Variants in SCCPDH observed in about 807,000 individuals in gnomAD.
SCCPDH encodes the protein saccharopine dehydrogenase-like oxidoreductase.
Under a neutral mutation model 51.5 loss-of-function variants are expected in SCCPDH, and 34 were observed. That is an observed-to-expected ratio of 0.66 (90% CI 0.50 to 0.88). SCCPDH has a LOEUF of 0.88. SCCPDH is among the 40% of genes least tolerant of loss of function. The probability of loss-of-function intolerance (pLI) is 0.00; values close to 1 mark genes in which losing one functional copy is unlikely to be tolerated. For synonymous variants in SCCPDH, 187 were observed against 191.3 expected, an observed-to-expected ratio of 0.98 and a Z score of 0.19; for missense variants, 464 against 527.1, an observed-to-expected ratio of 0.88 and a Z score of 1.17.
Position 246,759,065 on chromosome 1 carries a change from G to C in SCCPDH, c.727G>C (p.Gly243Arg), listed in dbSNP as rs1470976580. The stretch of plus-strand genomic sequence containing the variant: ...AATTTCTTATTGTCGGGAACTCAAA[G>C]GTTATTCCATTCCTTTTATGGGATC... ...WPISYCRELK[G>R]YSIPFMGSDV... is the part of the protein sequence containing the mutation. Residue 243 changes from glycine to arginine, a missense_variant, in exon 7 of 12, where the codon GGT becomes CGT. Physicochemically the swap from Gly to Arg is moderately radical, Grantham distance 125. Transcript: ENST00000366510. 4 of 1,610,772 alleles carry C rather than the reference G, an allele frequency of 2.5e-6. No homozygotes were observed. The highest frequency in any genetic ancestry group is 3.4e-6 in the Non-Finnish European group (4 of 1,177,108).
At chr1:246,748,895 G>T (rs1668809742) in intron 5 of SCCPDH, among the ~76,000 whole-genome samples, 1 of 152,180 alleles carries the variant, frequency 6.6e-6, no homozygotes, top group South Asian at 2.1e-4. Context: ...ATACCACCAC[G>T]CACCTGCTCG....
chr1:246,761,551 C>T (rs1186091925), intron 9 of SCCPDH, among the ~76,000 whole-genome samples: 1 of 152,228 alleles, frequency 6.6e-6, no homozygotes, highest in Non-Finnish European at 1.5e-5. Context: ...GAAACAATAA[C>T]TCCTCATTTC....
At chr1:246,753,645 C>T (rs562482283) in intron 5 of SCCPDH, among the ~76,000 whole-genome samples, 2 of 152,048 alleles carry the variant, frequency 1.3e-5, no homozygotes, top group East Asian at 3.9e-4. Flanking sequence ...ATTTTTGATC[C>T]GCTGTAGGAA....
intron 2 of SCCPDH, among the ~76,000 whole-genome samples, chr1:246,727,605 G>A (rs1668422989): frequency 6.6e-6 from 1 of 152,176 alleles, no homozygotes; most frequent in Admixed American, 6.6e-5. Flanking sequence ...AAAAGGTCCT[G>A]GCATATTGGT....
chr1:246,741,577 C>T (rs1266444273), intron 4 of SCCPDH, among the ~76,000 whole-genome samples: 2 of 151,438 alleles, frequency 1.3e-5, no homozygotes, highest in South Asian at 4.2e-4. Flanking sequence ...GGATTACAGA[C>T]GTGAGCCACC....
At chr1:246,754,601 T>C (rs970616717) in intron 5 of SCCPDH, among the ~76,000 whole-genome samples, 1 of 152,216 alleles carries the variant, frequency 6.6e-6, no homozygotes, top group East Asian at 1.9e-4. Context: ...TCTCCAGCAG[T>C]CGAGCTCCGC....
intron 10 of SCCPDH, among the ~76,000 whole-genome samples, chr1:246,765,484 T>G (rs1669074104): frequency 1.3e-5 from 2 of 152,266 alleles, no homozygotes; most frequent in Admixed American, 1.3e-4. Context: ...TGACTGTATT[T>G]TCATTATTTG....
Position 246,760,022 on chromosome 1 carries a change from A to G in SCCPDH, c.879A>G (p.Gly293=). The change falls in exon 8 of 12, where the codon GGA becomes GGG. Residue 293 remains glycine (G), a synonymous_variant. Coordinates refer to ENST00000366510, the MANE Select transcript of SCCPDH (RefSeq NM_016002.3). ...CTGTTATTAAGCTGATGTTTGCAGGACTTTTCTTTTTGTTCTTTGTGAGGT... is the reference window on the plus strand; with the variant it reads ...CTGTTATTAAGCTGATGTTTGCAGGGCTTTTCTTTTTGTTCTTTGTGAGGT... The part of the protein sequence containing the change: ...ITSVIKLMFA[G]LFFLFFVRFG... 1 of 1,613,748 alleles carries G rather than the reference A, an allele frequency of 6.2e-7. No homozygotes were observed. The highest frequency in any genetic ancestry group is 8.5e-7 in the Non-Finnish European group (1 of 1,179,808).
chr1:246,762,648 C>A (rs1669034825), intron 9 of SCCPDH, among the ~76,000 whole-genome samples: 1 of 152,004 alleles, frequency 6.6e-6, no homozygotes, highest in Admixed American at 6.6e-5. Context: ...TCAAGACCAG[C>A]CTGGCCAACA....
intron 2 of SCCPDH, among the ~76,000 whole-genome samples, chr1:246,732,102 C>G (rs769917637): frequency 5.3e-5 from 8 of 151,004 alleles, no homozygotes; most frequent in Admixed American, 2.0e-4. Context: ...TTTTCTTAAT[C>G]CAGTCTATCA....
rs774649151 is a variant in SCCPDH at position 246,758,313 on chromosome 1, A to C, written c.652A>C (p.Asn218His). Residue 218 changes from asparagine to histidine, a missense_variant, in exon 6 of 12, where the codon AAT (asparagine) becomes CAT (histidine). By Grantham distance (68) the Asn-to-His change is moderately conservative (BLOSUM62 1). Coordinates refer to ENST00000366510, the MANE Select transcript of SCCPDH (RefSeq NM_016002.3). ...SNLRKLRNVS[N>H]LKPVPLIGPK... is the part of the protein sequence containing the mutation. ...TTTGAGAAAACTAAGAAATGTATCA[A>C]ATCTGAAACCTGTCCCGCTCATTGG... 2 of 1,611,464 alleles carry C rather than the reference A, an allele frequency of 1.2e-6. No individual in the cohort carries two copies. The highest frequency in any genetic ancestry group is 1.7e-6 in the Non-Finnish European group (2 of 1,178,972).
chr1:246,759,550 C>A (rs1223797497), intron 7 of SCCPDH, among the ~76,000 whole-genome samples: 1 of 152,180 alleles, frequency 6.6e-6, no homozygotes. Context: ...AAAGTAATTG[C>A]TTTCATTGCC....
intron 5 of SCCPDH, among the ~76,000 whole-genome samples, chr1:246,750,534 C>G (rs945612684): frequency 2.0e-5 from 3 of 152,174 alleles, no homozygotes; most frequent in Non-Finnish European, 4.4e-5. Context: ...ATTCTTTCCA[C>G]TCTTCCTGAT....
intron 2 of SCCPDH, among the ~76,000 whole-genome samples, 172 bp downstream of exon 2, chr1:246,727,176 G>A (rs923359219): frequency 6.6e-6 from 1 of 152,234 alleles, no homozygotes; most frequent in Non-Finnish European, 1.5e-5. Flanking sequence ...AGTCTCCTGA[G>A]AGAGTGAGTG....
chr1:246,761,201 A>G (rs1572307480), intron 9 of SCCPDH, among the ~76,000 whole-genome samples: 1 of 152,038 alleles, frequency 6.6e-6, no homozygotes, highest in South Asian at 2.1e-4. Context: ...TGTGCACTTA[A>G]TGTAGGCACT....
chr1:246,747,164 CTTTCT>C (rs1050103772), intron 5 of SCCPDH, among the ~76,000 whole-genome samples: 1 of 151,954 alleles, frequency 6.6e-6, no homozygotes, highest in African/African-American at 2.4e-5. Context: ...CTTTTTGTCT[CTTTCT>C]TTTCTTCTGC....
At chr1:246,729,894 C>T (rs1200329231) in intron 2 of SCCPDH, among the ~76,000 whole-genome samples, 1 of 152,172 alleles carries the variant, frequency 6.6e-6, no homozygotes, top group Non-Finnish European at 1.5e-5. Context: ...TGTTCTTCTG[C>T]CGTGGCTTCA....
intron 5 of SCCPDH, chr1:246,755,377 A>G (rs1003388994): frequency 6.6e-6 from 1 of 152,256 alleles, no homozygotes; most frequent in African/African-American, 2.4e-5. Flanking sequence ...TAAGGCAGAA[A>G]GACACTCTTG....
At chr1:246,761,422 C>T (rs1669011721) in intron 9 of SCCPDH, among the ~76,000 whole-genome samples, 1 of 152,130 alleles carries the variant, frequency 6.6e-6, no homozygotes, top group Non-Finnish European at 1.5e-5. Flanking sequence ...TAAAATGTAC[C>T]ATCTTAACCA....
Sources: allele counts gnomAD v4.1 joint callset (sites outside exome capture counted in the v4.1 genomes callset), GRCh38; gene constraint gnomAD v4.1.1; transcripts MANE v1.5; gene names NCBI Gene and HGNC (gene_info 2026-07-23, HGNC 2026-07-21).